The following B3GALT1 variants were observed in gnomAD, a reference collection of about 807,000 sequenced individuals.
B3GALT1 encodes the protein beta-1,3-galactosyltransferase 1, also known as UDP-Gal:betaGlcNAc beta 1,3-galactosyltransferase, polypeptide 1.
A neutral mutation model predicts 23.2 loss-of-function variants in B3GALT1; 10 were observed. That is an observed-to-expected ratio of 0.43 (90% CI 0.27 to 0.73). The LOEUF (loss-of-function observed/expected upper bound fraction) is 0.73, where lower values mean the gene tolerates loss of function less well. Among genes scored for constraint, B3GALT1 ranks in the 30% least tolerant of loss-of-function variants. The pLI is 0.21. For missense variants in B3GALT1, 299 were observed against 405.4 expected (o/e 0.74, Z 2.25); for synonymous variants, 156 against 141.5 (o/e 1.10, Z -0.73).
intron 1 of B3GALT1, among the ~76,000 whole-genome samples, chr2:167,388,182 A>G (rs1007051058): frequency 1.3e-5 from 2 of 152,200 alleles, no homozygotes; most frequent in African/African-American, 4.8e-5. Flanking sequence ...GATGAGTGAT[A>G]TAGATATCAC....
intron 1 of B3GALT1, among the ~76,000 whole-genome samples, chr2:167,394,682 T>C (rs1320619849): frequency 6.6e-6 from 1 of 152,076 alleles, no homozygotes; most frequent in Non-Finnish European, 1.5e-5. Context: ...TCTCCATCCC[T>C]GAGGCACACT....
intron 2 of B3GALT1, among the ~76,000 whole-genome samples, chr2:167,585,870 T>A (rs2105411477): frequency 6.6e-6 from 1 of 152,336 alleles, no homozygotes; most frequent in South Asian, 2.1e-4. Context: ...ATAACATAGA[T>A]GCTTGTCTTA....
chr2:167,657,056 C>G (rs912988197), intron 3 of B3GALT1, among the ~76,000 whole-genome samples: 2 of 152,012 alleles, frequency 1.3e-5, no homozygotes, highest in Non-Finnish European at 2.9e-5. Flanking sequence ...AATGGTTTTT[C>G]AACTGGTCAA....
At chr2:167,563,404 G>T (rs374503539) in intron 2 of B3GALT1, among the ~76,000 whole-genome samples, 1 of 128,630 alleles carries the variant, frequency 7.8e-6, no homozygotes, top group Non-Finnish European at 1.7e-5. Context: ...CTGGCCGGGC[G>T]GGGGGCTGAC....
At chr2:167,670,786 GC>G in intron 3 of B3GALT1, among the ~76,000 whole-genome samples, 1 of 152,210 alleles carries the variant, frequency 6.6e-6, no homozygotes, top group South Asian at 2.1e-4. Flanking sequence ...AGCTTTAATA[GC>G]AGGCTAAATT....
chr2:167,779,570 A>T (rs947507171), intron 3 of B3GALT1, among the ~76,000 whole-genome samples: 4 of 152,206 alleles, frequency 2.6e-5, no homozygotes, highest in African/African-American at 9.6e-5. Flanking sequence ...GTATTTATTG[A>T]TCATAGCTAC....
At chr2:167,480,291 A>G (rs1028117558) in intron 1 of B3GALT1, among the ~76,000 whole-genome samples, 4 of 152,220 alleles carry the variant, frequency 2.6e-5, no homozygotes, top group South Asian at 4.1e-4. Context: ...GACTATTACC[A>G]TCTTTGCTTC....
At chr2:167,354,833 T>A (rs921673544) in intron 1 of B3GALT1, among the ~76,000 whole-genome samples, 14 of 152,190 alleles carry the variant, frequency 9.2e-5, no homozygotes, top group African/African-American at 3.4e-4. Flanking sequence ...CTGCACCACA[T>A]TTATTGTCTT....
At chr2:167,843,297 A>T (rs1222092845) in intron 4 of B3GALT1, among the ~76,000 whole-genome samples, 1 of 152,216 alleles carries the variant, frequency 6.6e-6, no homozygotes. Context: ...GGAAAGTAAG[A>T]TGAAAGGAAA....
At chr2:167,688,167 T>A (rs1468184984) in intron 3 of B3GALT1, among the ~76,000 whole-genome samples, 5 of 152,148 alleles carry the variant, frequency 3.3e-5, no homozygotes, top group African/African-American at 1.2e-4. Context: ...CTCAGTCCCA[T>A]TTCTGAAGGT....
chr2:167,374,503 C>T (rs1045790294), intron 1 of B3GALT1, among the ~76,000 whole-genome samples: 1 of 152,136 alleles, frequency 6.6e-6, no homozygotes, highest in Non-Finnish European at 1.5e-5. Context: ...ATTCCCTTTT[C>T]TCTACAGTTA....
intron 3 of B3GALT1, chr2:167,713,749 G>T: frequency 6.3e-7 from 1 of 1,581,810 alleles, no homozygotes; most frequent in Non-Finnish European, 8.7e-7. Flanking sequence ...TTCAGAATGT[G>T]GGGTTGGGGT....
At chr2:167,715,290 C>T in intron 3 of B3GALT1, 1 of 1,613,930 alleles carries the variant, frequency 6.2e-7, no homozygotes, top group Non-Finnish European at 8.5e-7. Flanking sequence ...TTTTCTTTAT[C>T]ATTCAGAACT....
intron 3 of B3GALT1, among the ~76,000 whole-genome samples, chr2:167,668,203 C>T (rs1182889554): frequency 6.6e-6 from 1 of 151,686 alleles, no homozygotes; most frequent in African/African-American, 2.4e-5. Flanking sequence ...TGTTGGAATA[C>T]CCGACCGCGT....
At chr2:167,621,214 G>T (rs1194500883) in intron 2 of B3GALT1, among the ~76,000 whole-genome samples, 15 of 148,404 alleles carry the variant, frequency 1.0e-4, no homozygotes, top group African/African-American at 3.2e-4. Context: ...TCAGCCTCTT[G>T]AGTAGCTGGA....
chr2:167,790,686 T>G (rs965348891), intron 3 of B3GALT1, among the ~76,000 whole-genome samples: 2 of 152,200 alleles, frequency 1.3e-5, no homozygotes, highest in African/African-American at 4.8e-5. Flanking sequence ...GCTCCTTCCA[T>G]CCAAATCTTT....
intron 2 of B3GALT1, among the ~76,000 whole-genome samples, chr2:167,556,967 G>T (rs1311957763): frequency 6.6e-6 from 1 of 152,274 alleles, no homozygotes; most frequent in East Asian, 1.9e-4. Context: ...AAGGAATTGT[G>T]CCCTTGGGTC....
chr2:167,803,833 T>C (rs13009410), intron 3 of B3GALT1, among the ~76,000 whole-genome samples: 10,144 of 152,180 alleles, frequency 0.067, 400 homozygotes, highest in African/African-American at 0.11. Context: ...CACAATCCTA[T>C]TGAGTAGTGA....
chr2:167,777,239 T>C (rs75907336), intron 3 of B3GALT1, among the ~76,000 whole-genome samples: 3,039 of 152,346 alleles, frequency 0.02, 41 homozygotes, highest in Non-Finnish European at 0.032. Context: ...ATATTTAATA[T>C]GAAAATGACA....
Sources: gnomAD v4.1 joint callset for allele counts (sites outside exome capture counted in the v4.1 genomes callset) on GRCh38, gnomAD v4.1.1 for gene constraint, MANE v1.5 for transcripts, NCBI Gene and HGNC (gene_info 2026-07-23, HGNC 2026-07-21) for gene names.